Variants in PDE1C observed in about 807,000 individuals in gnomAD.
The protein encoded by PDE1C is phosphodiesterase 1C, also known as dual specificity calcium/calmodulin-dependent 3',5'-cyclic nucleotide phosphodiesterase 1C.
In PDE1C, 62 loss-of-function variants were observed where a neutral mutation model predicts 93.1. That is an observed-to-expected ratio of 0.67 (90% CI 0.54 to 0.82). The LOEUF (loss-of-function observed/expected upper bound fraction) is 0.82. Ranked by LOEUF, PDE1C falls within the 40% of genes least tolerant of loss-of-function variation. The pLI is 0.00. For synonymous variants in PDE1C, 325 were observed against 310.1 expected, an observed-to-expected ratio of 1.05 and a Z score of -0.50; for missense variants, 742 against 884.6, an observed-to-expected ratio of 0.84 and a Z score of 2.04.
At chr7:31,732,677 T>A in the PDE1C span, among the ~76,000 whole-genome samples, 1 of 144,276 alleles carries the variant, frequency 6.9e-6, no homozygotes, top group Non-Finnish European at 1.5e-5. Flanking sequence ...TGTGTGTGTG[T>A]GACTGGTCTG....
intron 1 of PDE1C, among the ~76,000 whole-genome samples, chr7:32,298,272 G>A (rs532503808): frequency 6.6e-6 from 1 of 151,908 alleles, no homozygotes; most frequent in African/African-American, 2.4e-5. Context: ...TCTTCCTGTC[G>A]CTTTCTGTCT....
At chr7:32,156,578 C>A (rs759360388) in intron 3 of PDE1C, among the ~76,000 whole-genome samples, 4 of 152,164 alleles carry the variant, frequency 2.6e-5, no homozygotes, top group Non-Finnish European at 4.4e-5. Context: ...CTTTCTCTCA[C>A]AAGCAACTGC....
Position 31,827,692 on chromosome 7 carries a change from GACA to G in PDE1C, c.1285+597_1285+599del, listed in dbSNP as rs545597056. On this transcript the variant is annotated intron_variant, in intron 12 of 17. Transcript: ENST00000396191. ...AGACTCTTCAAAGGTGGAGATCACT[GACA>G]ACATTTAACTTAGATAGGGCACTGG... Among the ~76,000 whole-genome samples, 17 of 152,144 alleles carry G rather than the reference GACA, an allele frequency of 1.1e-4. No individual in the cohort carries two copies. In the South Asian group the frequency reaches 3.3e-3, roughly 30 times the overall value.
chr7:32,104,451 T>A (rs1798193815), intron 3 of PDE1C, among the ~76,000 whole-genome samples: 1 of 152,184 alleles, frequency 6.6e-6, no homozygotes, highest in Non-Finnish European at 1.5e-5. Flanking sequence ...ATAAAGACAT[T>A]TTAAGACATG....
chr7:32,392,652 A>C (rs76479064), intron 1 of PDE1C, among the ~76,000 whole-genome samples: 2,683 of 152,282 alleles, frequency 0.018, 38 homozygotes, highest in Middle Eastern at 0.044. Flanking sequence ...AAATCAATTA[A>C]TGTAGTATGC....
At chr7:32,385,226 C>A (rs1012211673) in intron 1 of PDE1C, among the ~76,000 whole-genome samples, 14 of 152,168 alleles carry the variant, frequency 9.2e-5, no homozygotes, top group African/African-American at 3.1e-4. Flanking sequence ...ATTTTTGAGG[C>A]TCCTCTGAAA....
At chr7:31,666,552 T>C in the PDE1C span, among the ~76,000 whole-genome samples, 2 of 152,192 alleles carry the variant, frequency 1.3e-5, no homozygotes. Context: ...GAAAATAAAT[T>C]TGGGATGTAA....
chr7:31,642,228 G>A, the PDE1C span: 4 of 1,558,214 alleles, frequency 2.6e-6, no homozygotes, highest in South Asian at 1.2e-5. Flanking sequence ...GCGGGTTCCT[G>A]GAGGAGCCGC....
intron 3 of PDE1C, among the ~76,000 whole-genome samples, chr7:32,102,825 A>T (rs1397176367): frequency 1.3e-5 from 2 of 152,134 alleles, no homozygotes; most frequent in African/African-American, 4.8e-5. Context: ...CTGGTTTATT[A>T]TGGGCATTTT....
At chr7:32,056,595 T>C (rs192349763) in intron 1 of PDE1C, among the ~76,000 whole-genome samples, 29 of 152,296 alleles carry the variant, frequency 1.9e-4, no homozygotes, top group African/African-American at 6.3e-4. Flanking sequence ...CAGCAGTGCC[T>C]GCTTTACGGG....
chr7:31,642,101 C>T, the PDE1C span: 10 of 1,009,814 alleles, frequency 9.9e-6, no homozygotes, highest in Non-Finnish European at 1.3e-5. Flanking sequence ...TGTCAGGCAC[C>T]TAGAGGGGTT....
At chr7:32,219,049 G>T (rs1349986508) in intron 1 of PDE1C, among the ~76,000 whole-genome samples, 1 of 152,200 alleles carries the variant, frequency 6.6e-6, no homozygotes, top group Non-Finnish European at 1.5e-5. Context: ...ATTTATCAAG[G>T]TGTTTGGTGT....
chr7:32,355,427 T>C (rs867083948), intron 1 of PDE1C, among the ~76,000 whole-genome samples: 7 of 152,342 alleles, frequency 4.6e-5, no homozygotes, highest in Admixed American at 3.9e-4. Context: ...GGGTTTTGAC[T>C]GAAACCAAAG....
the PDE1C span, among the ~76,000 whole-genome samples, chr7:31,659,516 C>T: frequency 1.1e-4 from 16 of 152,262 alleles, no homozygotes; most frequent in South Asian, 1.7e-3. Flanking sequence ...GGCCAGATAG[C>T]GCAAGGGGTA....
intron 2 of PDE1C, among the ~76,000 whole-genome samples, chr7:31,968,520 A>T (rs1007550960): frequency 5.0e-4 from 76 of 152,256 alleles, no homozygotes; most frequent in Middle Eastern, 3.4e-3. Flanking sequence ...GTATCATGAA[A>T]ATGGCCATAC....
chr7:31,845,383 A>G (rs895477748), intron 9 of PDE1C, among the ~76,000 whole-genome samples: 2 of 152,106 alleles, frequency 1.3e-5, no homozygotes, highest in African/African-American at 4.8e-5. Flanking sequence ...GTTCTGTTAT[A>G]TTGCTCTGAA....
intron 1 of PDE1C, among the ~76,000 whole-genome samples, chr7:32,376,000 T>C (rs1023626338): frequency 5.3e-5 from 8 of 151,910 alleles, no homozygotes; most frequent in African/African-American, 1.7e-4. Flanking sequence ...CTTCTAAAAA[T>C]AGAAAAATTA....
intron 16 of PDE1C, chr7:31,786,840 T>G (rs1783993066): frequency 1.3e-5 from 2 of 152,148 alleles, no homozygotes. Flanking sequence ...ACAAAGTAAT[T>G]TCCATCATCA....
chr7:32,292,872 C>T (rs1451985938), intron 1 of PDE1C, among the ~76,000 whole-genome samples: 2 of 152,210 alleles, frequency 1.3e-5, no homozygotes. Flanking sequence ...GCTGAGTGGA[C>T]ACGCCAGGCA....
Sources: allele counts gnomAD v4.1 joint callset (sites outside exome capture counted in the v4.1 genomes callset), GRCh38; gene constraint gnomAD v4.1.1; transcripts MANE v1.5; gene names NCBI Gene and HGNC (gene_info 2026-07-23, HGNC 2026-07-21).